TMEM117: variants seen among roughly 807,000 people sequenced by gnomAD.
TMEM117 encodes transmembrane protein 117.
A neutral mutation model predicts 52.4 loss-of-function variants in TMEM117; 27 were observed. The observed-to-expected ratio is 0.51, with a 90% confidence interval of 0.38 to 0.71. The LOEUF (loss-of-function observed/expected upper bound fraction) is 0.71, where lower values mean the gene tolerates loss of function less well. Ranked by LOEUF, TMEM117 falls within the 30% of genes least tolerant of loss-of-function variation. The probability of loss-of-function intolerance (pLI) is 0.00; values close to 1 mark genes in which losing one functional copy is unlikely to be tolerated. For missense variants in TMEM117, 556 were observed against 630.5 expected (o/e 0.88, Z 1.26); for synonymous variants, 215 against 206.3 (o/e 1.04, Z -0.36).
At chr12:43,804,042 A>T in the TMEM117 span, 33 of 207,384 alleles carry the variant, frequency 1.6e-4, no homozygotes, top group Non-Finnish European at 2.3e-4. Flanking sequence ...AAAACAAGAA[A>T]GGGAAATGAT....
intron 6 of TMEM117, among the ~76,000 whole-genome samples, chr12:44,312,840 G>T (rs1397047186): frequency 6.6e-6 from 1 of 152,098 alleles, no homozygotes; most frequent in South Asian, 2.1e-4. Flanking sequence ...GTTTTGATTT[G>T]CATTTCTCTG....
chr12:43,970,691 T>G (rs1426901691), intron 3 of TMEM117, among the ~76,000 whole-genome samples: 1 of 152,158 alleles, frequency 6.6e-6, no homozygotes, highest in African/African-American at 2.4e-5. Context: ...ACAGTATATA[T>G]AGGGTTCAGT....
chr12:44,251,404 T>A (rs1437555719), intron 5 of TMEM117, among the ~76,000 whole-genome samples: 1 of 152,204 alleles, frequency 6.6e-6, no homozygotes, highest in Non-Finnish European at 1.5e-5. Flanking sequence ...TTAAGGCCTC[T>A]AAGGCCATCG....
rs1050716884 is a variant in TMEM117, at chr12:44,073,117, A to C, written c.411-70408A>C. ...CAAAAAAAAAAACAACAAAAAAACA[A>C]CCCACATTGTCTTTTGTTTTCTGTT... On this transcript the variant is annotated intron_variant, in intron 3 of 7. Coordinates refer to ENST00000266534, the MANE Select transcript of TMEM117 (RefSeq NM_032256.3). 7.9e-5 allele frequency among the ~76,000 whole-genome samples: 12 copies of C among 151,914 alleles called. No individual in the cohort carries two copies. In the East Asian group the frequency reaches 2.3e-3, roughly 29 times the overall value.
At chr12:43,998,999 A>G (rs983022050) in intron 3 of TMEM117, among the ~76,000 whole-genome samples, 3 of 152,224 alleles carry the variant, frequency 2.0e-5, no homozygotes, top group African/African-American at 4.8e-5. Context: ...CAGTACTACA[A>G]TTCACTCACT....
chr12:44,315,608 A>G (rs1410648726), intron 6 of TMEM117, among the ~76,000 whole-genome samples: 1 of 152,112 alleles, frequency 6.6e-6, no homozygotes. Flanking sequence ...CTGTGGTCAG[A>G]GCATATGGTG....
intron 2 of TMEM117, among the ~76,000 whole-genome samples, chr12:43,897,826 G>A (rs952904604): frequency 1.6e-4 from 25 of 152,150 alleles, no homozygotes; most frequent in African/African-American, 5.8e-4. Context: ...GGCCAGGCTG[G>A]TCTCAAACTC....
At chr12:43,854,345 G>C (rs1318021152) in intron 2 of TMEM117, among the ~76,000 whole-genome samples, 1 of 152,030 alleles carries the variant, frequency 6.6e-6, no homozygotes, top group Non-Finnish European at 1.5e-5. Flanking sequence ...GTGAGGCGAT[G>C]TGAAACCTCC....
rs371158441 is a variant in TMEM117 at position 44,171,945 on chromosome 12, G to C, written c.510+28321G>C. Among the ~76,000 whole-genome samples the C allele has an allele frequency of 1.4e-4, 21 of 152,140 alleles. No homozygotes were observed. The East Asian group carries it at 2.3e-3, about 17-fold the overall frequency. On this transcript the variant is annotated intron_variant, in intron 4 of 7. Transcript: ENST00000266534. Reference sequence around the variant, plus strand: ...TGTGCAAAGCCCCAAGACGGTGAAGGCATTTGCCTTAGCTCAAGGGAGCTA... The same window carrying C: ...TGTGCAAAGCCCCAAGACGGTGAAGCCATTTGCCTTAGCTCAAGGGAGCTA...
At chr12:44,378,112 G>T (rs776436756) in intron 7 of TMEM117, among the ~76,000 whole-genome samples, 1 of 152,064 alleles carries the variant, frequency 6.6e-6, no homozygotes, top group Non-Finnish European at 1.5e-5. Context: ...CTTTGGGGGG[G>T]GCTTTTGCGT....
intron 6 of TMEM117, among the ~76,000 whole-genome samples, chr12:44,329,461 C>T (rs1565721159): frequency 6.6e-6 from 1 of 151,980 alleles, no homozygotes; most frequent in African/African-American, 2.4e-5. Flanking sequence ...CTGTCTGTAC[C>T]GTATTTGGTG....
At chr12:43,949,412 G>A (rs1945185382) in intron 3 of TMEM117, among the ~76,000 whole-genome samples, 3 of 152,306 alleles carry the variant, frequency 2.0e-5, no homozygotes, top group Middle Eastern at 6.8e-3. Context: ...GCACTTGGGA[G>A]GTGCTGCATG....
chr12:44,173,227 C>A (rs1284906804), intron 4 of TMEM117, among the ~76,000 whole-genome samples: 1 of 152,176 alleles, frequency 6.6e-6, no homozygotes, highest in African/African-American at 2.4e-5. Context: ...AGGTGTGTGC[C>A]AGCATGCCTG....
intron 4 of TMEM117, among the ~76,000 whole-genome samples, chr12:44,185,659 A>T (rs1949267010): frequency 6.6e-6 from 1 of 152,154 alleles, no homozygotes; most frequent in Non-Finnish European, 1.5e-5. Flanking sequence ...AGTTTTCATG[A>T]TACAAATATT....
chr12:44,381,864 G>C (rs1270483658), intron 7 of TMEM117, among the ~76,000 whole-genome samples: 1 of 152,092 alleles, frequency 6.6e-6, no homozygotes, highest in East Asian at 1.9e-4. Context: ...GAAGGCTGGG[G>C]AGGGGACAGC....
chr12:44,300,958 A>G (rs1175513530), intron 6 of TMEM117, among the ~76,000 whole-genome samples: 2 of 152,182 alleles, frequency 1.3e-5, no homozygotes, highest in East Asian at 1.9e-4. Flanking sequence ...GCAATAATGT[A>G]TCATGCATTA....
At chr12:44,104,383 G>C (rs772314900) in intron 3 of TMEM117, among the ~76,000 whole-genome samples, 14 of 151,204 alleles carry the variant, frequency 9.3e-5, no homozygotes, top group Non-Finnish European at 2.1e-4. Context: ...ATTATATCAA[G>C]CTTAAATGTT....
At chr12:43,848,146 A>G (rs901408417) in intron 2 of TMEM117, among the ~76,000 whole-genome samples, 4 of 152,124 alleles carry the variant, frequency 2.6e-5, no homozygotes, top group African/African-American at 9.7e-5. Context: ...TAAGGGTCCA[A>G]CAAAGATCAC....
intron 2 of TMEM117, among the ~76,000 whole-genome samples, chr12:43,884,812 A>G (rs1943961533): frequency 1.3e-5 from 2 of 152,072 alleles, no homozygotes; most frequent in South Asian, 2.1e-4. Flanking sequence ...CCTGCATTCA[A>G]CTTACCACCA....
Sources: gnomAD v4.1 joint callset for allele counts (sites outside exome capture counted in the v4.1 genomes callset) on GRCh38, gnomAD v4.1.1 for gene constraint, MANE v1.5 for transcripts, NCBI Gene and HGNC (gene_info 2026-07-23, HGNC 2026-07-21) for gene names.